Variants in DNAJB4 observed in about 807,000 individuals in gnomAD.
DNAJB4 encodes dnaJ homolog subfamily B member 4.
DNAJB4 carries 10 observed loss-of-function variants against 26.6 expected under a neutral mutation model. The observed-to-expected ratio is 0.38, with a 90% CI of 0.23 to 0.64. The LOEUF is 0.64. Among genes scored for constraint, DNAJB4 ranks in the 30% least tolerant of loss-of-function variants. The pLI is 0.58. For synonymous variants in DNAJB4, 136 were observed against 134.8 expected (o/e 1.01, Z -0.06); for missense variants, 328 against 408.2 (o/e 0.80, Z 1.69).
intron 1 of DNAJB4, among the ~76,000 whole-genome samples, chr1:78,011,396 C>T (rs1291617389): frequency 6.6e-6 from 1 of 151,842 alleles, no homozygotes; most frequent in Non-Finnish European, 1.5e-5. Flanking sequence ...GTAGGAATGA[C>T]AATCGTAGTG....
intron 1 of DNAJB4, among the ~76,000 whole-genome samples, chr1:78,012,120 T>C (rs200592253): frequency 2.1e-5 from 3 of 141,024 alleles, no homozygotes; most frequent in African/African-American, 7.8e-5. Flanking sequence ...CAGTAGTTTA[T>C]AAGGAGTTCC....
intron 1 of DNAJB4, among the ~76,000 whole-genome samples, chr1:77,982,130 A>G (rs1430659755): frequency 1.3e-5 from 2 of 152,216 alleles, no homozygotes; most frequent in East Asian, 3.8e-4. Flanking sequence ...ATACATTACA[A>G]TAATTTATAA....
intron 2 of DNAJB4, 100 bp from the exon 3 acceptor site, chr1:78,015,914 T>G: frequency 2.0e-6 from 2 of 1,010,256 alleles, no homozygotes; most frequent in East Asian, 5.2e-5. Flanking sequence ...GAGGTTAAAG[T>G]TTTACCTTAG....
intron 1 of DNAJB4, among the ~76,000 whole-genome samples, chr1:77,987,113 CAG>C (rs374187391): frequency 1.4e-4 from 21 of 152,356 alleles, no homozygotes; most frequent in East Asian, 1.3e-3. Context: ...GGATTCATCT[CAG>C]GGGTGAGGGA....
chr1:77,998,505 A>G (rs139501331), intron 1 of DNAJB4, among the ~76,000 whole-genome samples: 159 of 152,284 alleles, frequency 1.0e-3, no homozygotes, highest in Admixed American at 2.9e-3. Context: ...AAGTTTATGT[A>G]TTTCAGCTTG....
intron 1 of DNAJB4, among the ~76,000 whole-genome samples, chr1:77,991,756 C>G (rs898223986): frequency 2.0e-5 from 3 of 152,114 alleles, no homozygotes; most frequent in Non-Finnish European, 2.9e-5. Flanking sequence ...AAAATGGCCT[C>G]TAAGCATAGT....
At chr1:78,006,487 A>G (rs1478146558) in intron 1 of DNAJB4, among the ~76,000 whole-genome samples, 2 of 152,350 alleles carry the variant, frequency 1.3e-5, no homozygotes, top group Non-Finnish European at 1.5e-5. Flanking sequence ...TTAGAAATAT[A>G]TCCTTAAAAT....
At chr1:77,982,731 G>C (rs1659687351) in intron 1 of DNAJB4, among the ~76,000 whole-genome samples, 1 of 152,236 alleles carries the variant, frequency 6.6e-6, no homozygotes. Context: ...CCGGGACGGG[G>C]AGGTTGCAGT....
chr1:78,015,182 A>G (rs1433157494), intron 2 of DNAJB4, among the ~76,000 whole-genome samples: 1 of 152,200 alleles, frequency 6.6e-6, no homozygotes, highest in Non-Finnish European at 1.5e-5. Context: ...CATGGTCCCT[A>G]TAAGGCTCAC....
At chr1:77,982,440 TC>T (rs1659675589) in intron 1 of DNAJB4, among the ~76,000 whole-genome samples, 1 of 152,268 alleles carries the variant, frequency 6.6e-6, no homozygotes, top group Non-Finnish European at 1.5e-5. Flanking sequence ...AATAGTCTTT[TC>T]TCATGAAACT....
At position 78,013,032 on chromosome 1, in the gene DNAJB4, T is replaced by C; in HGVS notation, c.212-19T>C. On this transcript the variant is annotated intron_variant, in intron 1 of 2. Transcript: ENST00000370763. ...AGAGTTGCAAGCTTTTTTCTAATCA[T>C]GCTTATCTCTTCAATTAGGGTTGAA... The C allele has an allele frequency of 1.9e-6, 3 of 1,555,880 alleles. No individual in the cohort carries two copies. Among genetic ancestry groups the C allele is most frequent in the Non-Finnish European group, 2.6e-6 (3 of 1,154,742 alleles).
chr1:77,982,281 A>G (rs1189921730), intron 1 of DNAJB4, among the ~76,000 whole-genome samples: 1 of 152,210 alleles, frequency 6.6e-6, no homozygotes, highest in Non-Finnish European at 1.5e-5. Flanking sequence ...AATGTCTAAA[A>G]TTCATATATT....
intron 1 of DNAJB4, among the ~76,000 whole-genome samples, chr1:78,010,071 T>G (rs1200980820): frequency 6.6e-6 from 1 of 152,236 alleles, no homozygotes; most frequent in Non-Finnish European, 1.5e-5. Flanking sequence ...ATGAATCTTC[T>G]CAGAGACTTT....
chr1:77,984,585 T>C (rs1355165888), intron 1 of DNAJB4, among the ~76,000 whole-genome samples: 2 of 152,238 alleles, frequency 1.3e-5, no homozygotes, highest in African/African-American at 2.4e-5. Flanking sequence ...CCTGGCTAGA[T>C]TGTAGTAAAT....
At chr1:78,009,937 A>T (rs1279306417) in intron 1 of DNAJB4, among the ~76,000 whole-genome samples, 2 of 151,814 alleles carry the variant, frequency 1.3e-5, no homozygotes, top group African/African-American at 4.8e-5. Flanking sequence ...GATTTTTTTC[A>T]TTCATTAGAG....
At chr1:77,980,304 A>G (rs1659519779) in exon 1 of DNAJB4, 6 of 149,666 alleles carry the variant, frequency 4.0e-5, no homozygotes, top group South Asian at 2.1e-4. Flanking sequence ...CATATTCTGA[A>G]TTGTCATCAC....
At chr1:78,006,779 G>C (rs1003071057) in intron 1 of DNAJB4, among the ~76,000 whole-genome samples, 1 of 152,132 alleles carries the variant, frequency 6.6e-6, no homozygotes, top group African/African-American at 2.4e-5. Flanking sequence ...TATCTCAAAA[G>C]CTAAGCAGGA....
At chr1:78,003,816 C>T (rs1360197726), upstream of DNAJB4, among the ~76,000 whole-genome samples, 1 of 151,714 alleles carries the variant, frequency 6.6e-6, no homozygotes, top group East Asian at 1.9e-4. Flanking sequence ...ACTTTGTTAA[C>T]AAAAAATTAT....
chr1:77,991,301 ATAT>A (rs1264996710), intron 1 of DNAJB4, among the ~76,000 whole-genome samples: 3 of 152,168 alleles, frequency 2.0e-5, no homozygotes, highest in Admixed American at 2.0e-4. Context: ...CTCAGTAATG[ATAT>A]TATTATACAG....
Sources: allele counts gnomAD v4.1 joint callset (sites outside exome capture counted in the v4.1 genomes callset), GRCh38; gene constraint gnomAD v4.1.1; transcripts MANE v1.5; gene names NCBI Gene and HGNC (gene_info 2026-07-23, HGNC 2026-07-21).